Variants in OR3A2 observed in about 807,000 individuals in gnomAD.
OR3A2 encodes olfactory receptor family 3 subfamily A member 2.
For synonymous variants in OR3A2, 126 were observed against 159.3 expected (o/e 0.79, Z 1.57); for missense variants, 318 against 392.8 (o/e 0.81, Z 1.61).
chr17:3,375,031 A>AT (rs1290264725), intron 2 of OR3A2, among the ~76,000 whole-genome samples: 5 of 137,248 alleles, frequency 3.6e-5, no homozygotes, highest in Middle Eastern at 4.7e-3. Context: ...CATATCCTGT[A>AT]TTTTTTTTAA....
intron 3 of OR3A2, among the ~76,000 whole-genome samples, chr17:3,297,009 C>A (rs1198196434): frequency 6.6e-6 from 1 of 152,206 alleles, no homozygotes; most frequent in African/African-American, 2.4e-5. Context: ...AGTAGCTGCC[C>A]CCTCTGGGCC....
At chr17:3,344,832 G>T (rs2049348968) in intron 2 of OR3A2, among the ~76,000 whole-genome samples, 1 of 152,128 alleles carries the variant, frequency 6.6e-6, no homozygotes, top group Non-Finnish European at 1.5e-5. Context: ...GTGAATCCTA[G>T]GCCTCATGCT....
chr17:3,383,195 C>T (rs2049752951), intron 2 of OR3A2, among the ~76,000 whole-genome samples: 1 of 152,128 alleles, frequency 6.6e-6, no homozygotes, highest in African/African-American at 2.4e-5. Context: ...GCATGTGTAG[C>T]TCTGAGGCCA....
At chr17:3,288,868 C>A (rs62089534), upstream of OR3A2, among the ~76,000 whole-genome samples, 1 of 152,014 alleles carries the variant, frequency 6.6e-6, no homozygotes, top group African/African-American at 2.4e-5. Flanking sequence ...AGATACTCAG[C>A]TATATATATA....
intron 2 of OR3A2, among the ~76,000 whole-genome samples, chr17:3,373,538 T>C (rs1422270874): frequency 1.3e-5 from 2 of 152,212 alleles, no homozygotes; most frequent in African/African-American, 4.8e-5. Flanking sequence ...TTTTTATCAT[T>C]ATATAATGTC....
chr17:3,312,602 A>G (rs2049052944), intron 3 of OR3A2, among the ~76,000 whole-genome samples: 2 of 152,148 alleles, frequency 1.3e-5, no homozygotes, highest in Non-Finnish European at 2.9e-5. Flanking sequence ...GTTCCCTGAG[A>G]AGAAGCATTA....
At chr17:3,290,125 A>G (rs149879012) in intron 3 of OR3A2, among the ~76,000 whole-genome samples, 11 of 152,280 alleles carry the variant, frequency 7.2e-5, no homozygotes, top group Non-Finnish European at 1.5e-4. Context: ...TACACTTAGC[A>G]TAACTTAAAA....
At chr17:3,330,292 G>A (rs992762191) in intron 3 of OR3A2, among the ~76,000 whole-genome samples, 10 of 150,792 alleles carry the variant, frequency 6.6e-5, no homozygotes, top group African/African-American at 1.2e-4. Flanking sequence ...TCGTTGATCT[G>A]TCTAATGTTG....
intron 2 of OR3A2, among the ~76,000 whole-genome samples, chr17:3,374,064 G>A (rs2049657814): frequency 6.6e-6 from 1 of 152,170 alleles, no homozygotes; most frequent in South Asian, 2.1e-4. Flanking sequence ...ATGAAGTTTA[G>A]TTTTGCTGGA....
At chr17:3,286,639 C>A (rs2048816106), upstream of OR3A2, among the ~76,000 whole-genome samples, 4 of 152,088 alleles carry the variant, frequency 2.6e-5, no homozygotes, top group Admixed American at 2.6e-4. Context: ...GAGATGGTAT[C>A]TCATTGTGGT....
chr17:3,371,793 T>A (rs2049626887), intron 2 of OR3A2, among the ~76,000 whole-genome samples: 1 of 128,332 alleles, frequency 7.8e-6, no homozygotes. Flanking sequence ...GCCCCTCACC[T>A]CCTGGCCGGG....
chr17:3,376,801 TCC>T (rs55890827), intron 2 of OR3A2, among the ~76,000 whole-genome samples: 2 of 152,072 alleles, frequency 1.3e-5, no homozygotes, highest in African/African-American at 4.8e-5. Context: ...CTTTGGCCCC[TCC>T]CCCAATTCTG....
intron 2 of OR3A2, among the ~76,000 whole-genome samples, chr17:3,369,383 G>A (rs2049591770): frequency 2.0e-5 from 3 of 152,112 alleles, no homozygotes; most frequent in South Asian, 4.1e-4. Context: ...TGTGATAGAT[G>A]GCTTTTATTA....
intron 2 of OR3A2, among the ~76,000 whole-genome samples, chr17:3,347,243 T>C (rs894597418): frequency 2.0e-5 from 3 of 151,608 alleles, no homozygotes; most frequent in African/African-American, 7.3e-5. Flanking sequence ...TGTCTTCTTT[T>C]TTTTTTTATC....
At chr17:3,278,161 G>A (rs931098874) in exon 2 of OR3A2, 4 of 1,614,148 alleles carry the variant, frequency 2.5e-6, no homozygotes, top group African/African-American at 2.7e-5. Flanking sequence ...CCAAAGAAAA[G>A]ACAAACCACG....
Position 3,311,594 on chromosome 17 carries a change from T to G in OR3A2, c.-85+24439A>C. Reference sequence around the variant, plus strand: ...ATCCACCTCAATGGGCAGCTGCTGCTTGTGGGGGCCACCTTCATAGGAGTG... The same window carrying G: ...ATCCACCTCAATGGGCAGCTGCTGCGTGTGGGGGCCACCTTCATAGGAGTG... On this transcript the variant is annotated intron_variant, in intron 3 of 4. Transcript: ENST00000573491. This position sits in a 1 kb window ranked among gnomAD's most constrained non-coding sequence, Gnocchi z 4.6. 2.5e-6 allele frequency: 1 copy of G among 404,390 alleles called. No homozygotes were observed. Among genetic ancestry groups the G allele is most frequent in the Non-Finnish European group, 5.0e-6 (1 of 199,694 alleles). 25.1% of individuals were successfully genotyped at this position (404,390 alleles called of 1,614,324 possible).
intron 3 of OR3A2, among the ~76,000 whole-genome samples, chr17:3,326,160 T>C (rs1013698657): frequency 6.6e-6 from 1 of 152,146 alleles, no homozygotes; most frequent in Non-Finnish European, 1.5e-5. Context: ...ATGGTGTATA[T>C]GTACCACATT....
chr17:3,367,714 TG>T (rs1287845338), intron 2 of OR3A2, among the ~76,000 whole-genome samples: 3 of 151,762 alleles, frequency 2.0e-5, no homozygotes, highest in Non-Finnish European at 4.4e-5. Context: ...AACATGCATG[TG>T]CAAGTATCTT....
In OR3A2 at chr17:3,307,589, A is replaced by G. The variant is rs144142011; in HGVS notation, c.-84-28436T>C. 3.6e-3 allele frequency among the ~76,000 whole-genome samples: 549 copies of G among 152,264 alleles called. 4 individuals carry two copies. The highest frequency in any genetic ancestry group is 0.013 in the African/African-American group (525 of 41,556). On this transcript the variant is annotated intron_variant, in intron 3 of 4. Transcript: ENST00000573491. The stretch of plus-strand genomic sequence containing the variant: ...ATGGTCCTGTTCTAAAAGTCCTCTA[A>G]CCCTTTATCTTCCTTTGTGGTGTTG...
Sources: gnomAD v4.1 joint callset for allele counts (sites outside exome capture counted in the v4.1 genomes callset) on GRCh38, gnomAD v4.1.1 for gene constraint, Gnocchi (gnomAD v3.1) non-coding constraint, MANE v1.5 for transcripts, NCBI Gene and HGNC (gene_info 2026-07-23, HGNC 2026-07-21) for gene names.